SGMS1: variants seen among roughly 807,000 people sequenced by gnomAD.
The protein encoded by SGMS1 is phosphatidylcholine:ceramide cholinephosphotransferase 1.
SGMS1 carries 13 observed loss-of-function variants against 46.2 expected under a neutral mutation model. The observed-to-expected ratio is 0.28, with a 90% CI of 0.18 to 0.45. The LOEUF is 0.45. Among genes scored for constraint, SGMS1 ranks in the 20% least tolerant of loss-of-function variants. SGMS1 has a pLI of 1.00. For missense variants in SGMS1, 324 were observed against 519.9 expected (o/e 0.62, Z 3.66); for synonymous variants, 203 against 187.8 (o/e 1.08, Z -0.66).
At chr10:50,447,638 CAAAT>C (rs1188111871) in intron 5 of SGMS1, among the ~76,000 whole-genome samples, 1 of 152,020 alleles carries the variant, frequency 6.6e-6, no homozygotes, top group Admixed American at 6.6e-5. Context: ...TTTTAATTGA[CAAAT>C]AAAAATTGTA....
intron 6 of SGMS1, among the ~76,000 whole-genome samples, chr10:50,403,322 A>C (rs1223328532): frequency 6.6e-6 from 1 of 152,180 alleles, no homozygotes; most frequent in African/African-American, 2.4e-5. Flanking sequence ...TATGAGGTAA[A>C]TAATATACTA....
chr10:50,475,018 T>G (rs184076779), intron 3 of SGMS1, among the ~76,000 whole-genome samples: 1 of 152,326 alleles, frequency 6.6e-6, no homozygotes, highest in East Asian at 1.9e-4. Context: ...AGCATTTTTT[T>G]AAATATCAGA....
intron 8 of SGMS1, among the ~76,000 whole-genome samples, chr10:50,325,248 T>C (rs536322980): frequency 4.9e-4 from 74 of 152,308 alleles, no homozygotes; most frequent in African/African-American, 1.6e-3. Context: ...CTTATAGCAG[T>C]TGGGATACAT....
intron 2 of SGMS1, among the ~76,000 whole-genome samples, chr10:50,550,139 C>T (rs1838136114): frequency 1.3e-5 from 2 of 152,194 alleles, no homozygotes; most frequent in African/African-American, 4.8e-5. Flanking sequence ...AAGGAGACTG[C>T]ACACATTAGT....
intron 6 of SGMS1, among the ~76,000 whole-genome samples, chr10:50,351,774 T>C (rs1305109969): frequency 6.6e-6 from 1 of 152,218 alleles, no homozygotes; most frequent in Admixed American, 6.5e-5. Flanking sequence ...CTTCCCAGGC[T>C]CGGGGTGTCT....
At chr10:50,546,715 C>A (rs1379896594) in intron 2 of SGMS1, among the ~76,000 whole-genome samples, 1 of 152,016 alleles carries the variant, frequency 6.6e-6, no homozygotes, top group Non-Finnish European at 1.5e-5. Context: ...CACACCAGGG[C>A]CTGTTGTGGG....
intron 6 of SGMS1, among the ~76,000 whole-genome samples, chr10:50,402,892 C>T (rs749980322): frequency 8.5e-5 from 13 of 152,140 alleles, no homozygotes; most frequent in Non-Finnish European, 1.9e-4. Flanking sequence ...TTCCTCCCTT[C>T]TGAGTCTCCA....
intron 6 of SGMS1, among the ~76,000 whole-genome samples, chr10:50,404,588 C>CGA (rs1214712903): frequency 6.6e-6 from 1 of 152,016 alleles, no homozygotes; most frequent in African/African-American, 2.4e-5. Flanking sequence ...GGGTGAAGAG[C>CGA]GAGACCCTGT....
chr10:50,536,672 A>G (rs1838004877), intron 2 of SGMS1, among the ~76,000 whole-genome samples: 1 of 152,200 alleles, frequency 6.6e-6, no homozygotes, highest in African/African-American at 2.4e-5. Flanking sequence ...TCTCTCCTCC[A>G]TGTTTACAAA....
Position 50,443,172 on chromosome 10 carries a change from T to G in SGMS1, c.-312-9616A>C, listed in dbSNP as rs149347410. Among the ~76,000 whole-genome samples, 475 of 152,344 alleles carry G rather than the reference T, an allele frequency of 3.1e-3. 2 individuals are homozygous for G. Among genetic ancestry groups the G allele is most frequent in the Middle Eastern group, 0.01 (3 of 294 alleles). On this transcript the variant is annotated intron_variant, in intron 5 of 10. Transcript: ENST00000361781. ...AATAGCTAGACTAGCACTTAGATGC[T>G]TTGACTTTTGCAACAACCCTAATGT... is the stretch of plus-strand genomic sequence containing the variant.
intron 2 of SGMS1, among the ~76,000 whole-genome samples, chr10:50,584,687 G>T (rs2131882163): frequency 6.6e-6 from 1 of 152,204 alleles, no homozygotes; most frequent in African/African-American, 2.4e-5. Flanking sequence ...CCAGATCACT[G>T]CCTCAAAAGG....
At chr10:50,537,425 T>G (rs187583492) in intron 2 of SGMS1, among the ~76,000 whole-genome samples, 2 of 145,218 alleles carry the variant, frequency 1.4e-5, no homozygotes, top group Admixed American at 1.4e-4. Context: ...TCCTGTTTCT[T>G]TTCTTTTTTT....
At chr10:50,405,047 T>C (rs1848994096) in intron 6 of SGMS1, among the ~76,000 whole-genome samples, 1 of 152,154 alleles carries the variant, frequency 6.6e-6, no homozygotes, top group African/African-American at 2.4e-5. Flanking sequence ...TATGTATTTT[T>C]TTTTCCTGGA....
At chr10:50,591,588 C>A (rs1340237496) in intron 1 of SGMS1, among the ~76,000 whole-genome samples, 2 of 152,254 alleles carry the variant, frequency 1.3e-5, no homozygotes, top group East Asian at 1.9e-4. Flanking sequence ...TATATACATA[C>A]ATGCACTTTA....
At chr10:50,442,215 G>A (rs1345710751) in intron 5 of SGMS1, among the ~76,000 whole-genome samples, 3 of 151,072 alleles carry the variant, frequency 2.0e-5, no homozygotes, top group Non-Finnish European at 4.4e-5. Flanking sequence ...GAGTTCAGGG[G>A]TACATGTGCA....
intron 3 of SGMS1, among the ~76,000 whole-genome samples, chr10:50,481,994 C>T (rs1837481487): frequency 6.6e-6 from 1 of 152,002 alleles, no homozygotes; most frequent in African/African-American, 2.4e-5. Context: ...AAGGAATGAA[C>T]AAAACCTTAG....
At chr10:50,310,675 TA>T (rs1847239858) in intron 9 of SGMS1, among the ~76,000 whole-genome samples, 1 of 152,214 alleles carries the variant, frequency 6.6e-6, no homozygotes. Context: ...AAAATGCTAA[TA>T]TATATTAAAT....
chr10:50,576,866 GT>G (rs1429840540), intron 2 of SGMS1, among the ~76,000 whole-genome samples: 2 of 152,324 alleles, frequency 1.3e-5, no homozygotes, highest in Non-Finnish European at 2.9e-5. Flanking sequence ...AGAAAAGAAT[GT>G]GAAACAATGG....
chr10:50,538,481 A>G (rs1191883891), intron 2 of SGMS1, among the ~76,000 whole-genome samples: 2 of 148,398 alleles, frequency 1.3e-5, no homozygotes, highest in Admixed American at 6.7e-5. Flanking sequence ...AAAAAAAGAG[A>G]TAGCTTATCA....
Sources: gnomAD v4.1 joint callset for allele counts (sites outside exome capture counted in the v4.1 genomes callset) on GRCh38, gnomAD v4.1.1 for gene constraint, MANE v1.5 for transcripts, NCBI Gene and HGNC (gene_info 2026-07-23, HGNC 2026-07-21) for gene names.